The following NRXN1 variants were observed in gnomAD, a reference collection of about 807,000 sequenced individuals.
NRXN1 encodes the protein neurexin-1.
Under a neutral mutation model 150.9 loss-of-function variants are expected in NRXN1, and 39 were observed. The observed-to-expected ratio is 0.26, with a 90% CI of 0.20 to 0.34. The LOEUF is 0.34. NRXN1 is among the 10% of genes least tolerant of loss of function. The pLI is 1.00. For missense variants in NRXN1, 1,815 were observed against 1,949.9 expected, an observed-to-expected ratio of 0.93 and a Z score of 1.30; for synonymous variants, 924 against 757.0, an observed-to-expected ratio of 1.22 and a Z score of -3.62.
At position 50,792,077 on chromosome 2, in the gene NRXN1, C is replaced by T. The variant is rs112749883; in HGVS notation, c.832+129792G>A. Among the ~76,000 whole-genome samples, 595 of 152,164 alleles carry T rather than the reference C, an allele frequency of 3.9e-3. 5 individuals carry two copies. Among genetic ancestry groups the T allele is most frequent in the African/African-American group, 0.014 (574 of 41,536 alleles). On this transcript the variant is annotated intron_variant, in intron 5 of 22. Transcript: ENST00000401669. ...AACATATAAATAAATTCAAAACCTA[C>T]TTGAAATGTAGTATATCGGAAGAAC...
chr2:50,340,751 A>G (rs1001428425), intron 17 of NRXN1, among the ~76,000 whole-genome samples: 1 of 152,204 alleles, frequency 6.6e-6, no homozygotes, highest in Non-Finnish European at 1.5e-5. Context: ...AAACGAAACA[A>G]GAATATGAAT....
chr2:50,721,562 G>A (rs1696660043), intron 5 of NRXN1, among the ~76,000 whole-genome samples: 1 of 152,108 alleles, frequency 6.6e-6, no homozygotes, highest in African/African-American at 2.4e-5. Context: ...GACAGACGAG[G>A]ACTACATGAA....
chr2:50,738,329 G>T (rs935519722), intron 5 of NRXN1, among the ~76,000 whole-genome samples: 40 of 152,178 alleles, frequency 2.6e-4, no homozygotes, highest in African/African-American at 9.4e-4. Flanking sequence ...ACAGTTTGCT[G>T]GAAGTAGCAG....
At chr2:50,655,538 T>C (rs532843117) in intron 5 of NRXN1, among the ~76,000 whole-genome samples, 2 of 152,146 alleles carry the variant, frequency 1.3e-5, no homozygotes, top group East Asian at 3.9e-4. Context: ...CCGAAAGTTT[T>C]TGTTAATTGT....
At chr2:50,577,495 A>G (rs1573618910) in intron 8 of NRXN1, among the ~76,000 whole-genome samples, 1 of 152,064 alleles carries the variant, frequency 6.6e-6, no homozygotes, top group South Asian at 2.1e-4. Flanking sequence ...CACATTATAT[A>G]TGGAATTCCA....
intron 15 of NRXN1, among the ~76,000 whole-genome samples, chr2:50,483,138 A>G (rs989888452): frequency 2.6e-5 from 4 of 151,558 alleles, no homozygotes; most frequent in Non-Finnish European, 5.9e-5. Context: ...ACTGCTCACT[A>G]TATGCTAATT....
intron 21 of NRXN1, among the ~76,000 whole-genome samples, chr2:49,976,347 C>A (rs1217077503): frequency 1.3e-5 from 2 of 151,956 alleles, no homozygotes; most frequent in East Asian, 1.9e-4. Flanking sequence ...CAGGAAATTT[C>A]TGTAAGGACA....
chr2:50,114,075 G>C (rs996300358), intron 18 of NRXN1, among the ~76,000 whole-genome samples: 2 of 151,932 alleles, frequency 1.3e-5, no homozygotes, highest in African/African-American at 4.8e-5. Flanking sequence ...ATATACCACA[G>C]ACTGGGAGAA....
chr2:50,262,255 AT>A (rs2068363980), intron 17 of NRXN1, among the ~76,000 whole-genome samples: 2 of 151,928 alleles, frequency 1.3e-5, no homozygotes, highest in South Asian at 4.1e-4. Context: ...TATGATTAAA[AT>A]TAAGACATAA....
In NRXN1 at chr2:50,357,313, T is replaced by TTTTTTTA. The variant is rs1558590793; in HGVS notation, c.3364+108128_3364+108129insTAAAAAA. 9.2e-5 allele frequency among the ~76,000 whole-genome samples: 14 copies of TTTTTTTA among 151,890 alleles called. No homozygotes were observed. The East Asian group carries it at 1.4e-3, about 15-fold the overall frequency. On this transcript the variant is annotated intron_variant, in intron 17 of 22. Coordinates refer to ENST00000401669, the MANE Select transcript of NRXN1 (RefSeq NM_001330078.2). ...TTATTTATTTATTTATTTTTTTTTT[T>TTTTTTTA]ATTTATTATTTTGAGACAAAGTTTC...
rs139433835 is a variant in NRXN1 at position 50,438,834 on chromosome 2, G to A, written c.3364+26608C>T. On this transcript the variant is annotated intron_variant, in intron 17 of 22. Transcript: ENST00000401669. ...TTGAAGAAGGAAAAATAACAGTAAG[G>A]AAAAATATAGAAAATATTCTCCAAA... Among the ~76,000 whole-genome samples, 679 of 152,228 alleles carry A rather than the reference G, an allele frequency of 4.5e-3. 7 individuals carry two copies. Among genetic ancestry groups the A allele is most frequent in the African/African-American group, 0.016 (653 of 41,554 alleles).
Position 50,497,454 on chromosome 2 carries a change from T to C in NRXN1, c.2758A>G (p.Thr920Ala). The C allele has an allele frequency of 6.2e-7, 1 of 1,613,758 alleles. No homozygotes were observed. The highest frequency in any genetic ancestry group is 8.5e-7 in the Non-Finnish European group (1 of 1,179,774). ...KTKSSYVALA[T>A]LQAYTSMHLF... ...TGCATAGAAGTGTAGGCTTGCAAGG[T>C]AGCTAAGGCAACATAGCTCGATTTG... The change falls in exon 14 of 23, where the codon ACC (threonine) becomes GCC (alanine). Residue 920 changes from threonine (T) to alanine (A), a missense_variant. Physicochemically the swap from Thr to Ala is moderately conservative, Grantham distance 58. Around this residue, in one of 6 missense-constraint regions of NRXN1, gnomAD observed 339 missense variants for 440.3 expected, o/e 0.77. Coordinates refer to ENST00000401669, the MANE Select transcript of NRXN1 (RefSeq NM_001330078.2).
At chr2:49,984,223 TA>T (rs1174539126) in intron 21 of NRXN1, among the ~76,000 whole-genome samples, 6 of 152,064 alleles carry the variant, frequency 3.9e-5, no homozygotes, top group Admixed American at 3.9e-4. Context: ...AAGTATACCA[TA>T]AATGTAATTT....
chr2:50,304,877 G>A (rs904524211), intron 17 of NRXN1, among the ~76,000 whole-genome samples: 2 of 152,096 alleles, frequency 1.3e-5, no homozygotes, highest in Non-Finnish European at 2.9e-5. Flanking sequence ...GGATCAGAAG[G>A]TCAGGAGTTC....
rs2069513440 is a variant in NRXN1 at position 50,270,824 on chromosome 2, A to C, written c.3365-33854T>G. ...AGCTGCGGCTACACCACACCTGGCTAATTGTTGTATTTTTAGTAGAGACGG... is the reference window on the plus strand; with the variant it reads ...AGCTGCGGCTACACCACACCTGGCTCATTGTTGTATTTTTAGTAGAGACGG... On this transcript the variant is annotated intron_variant, in intron 17 of 22. Transcript: ENST00000401669. Among the ~76,000 whole-genome samples the C allele has an allele frequency of 1.3e-5, 2 of 151,916 alleles. 1 individual carries two copies. Among genetic ancestry groups the C allele is most frequent in the South Asian group, 4.2e-4 (2 of 4,812 alleles).
At position 50,506,591 on chromosome 2, in the gene NRXN1, C is replaced by T. The variant is rs1398153462; in HGVS notation, c.2401G>A (p.Gly801Ser). 1.2e-6 allele frequency: 2 copies of T among 1,613,296 alleles called. No individual in the cohort carries two copies. Among genetic ancestry groups the T allele is most frequent in the Middle Eastern group, 1.7e-4 (1 of 6,060 alleles). Reference sequence around the variant, plus strand: ...CACTCGTTATCATTGAGGTTATAGCCAGCAAAAAGAGTCTCGGGACCTTTG... The same window carrying T: ...CACTCGTTATCATTGAGGTTATAGCTAGCAAAAAGAGTCTCGGGACCTTTG... ...SSKGPETLFA[G>S]YNLNDNEWHT... Residue 801 changes from glycine (G) to serine (S), a missense_variant, in exon 13 of 23, where the codon GGC (glycine) becomes AGC (serine). By Grantham distance (56) the Gly-to-Ser change is moderately conservative (BLOSUM62 0). Around this residue, in one of 6 missense-constraint regions of NRXN1, gnomAD observed 638 missense variants for 652.6 expected, o/e 0.98. Transcript: ENST00000401669.
intron 8 of NRXN1, among the ~76,000 whole-genome samples, chr2:50,575,169 T>C (rs571815527): frequency 1.3e-5 from 2 of 152,370 alleles, no homozygotes; most frequent in South Asian, 4.1e-4. Flanking sequence ...GATTCTGTTA[T>C]GCTTGATCTT....
intron 5 of NRXN1, among the ~76,000 whole-genome samples, chr2:50,671,429 T>C (rs1052755176): frequency 2.0e-5 from 3 of 151,714 alleles, no homozygotes; most frequent in Admixed American, 2.0e-4. Flanking sequence ...TAATTTTATA[T>C]ACTTCTTGAT....
chr2:51,005,902 T>C (rs367767896), intron 2 of NRXN1, among the ~76,000 whole-genome samples: 54 of 151,964 alleles, frequency 3.6e-4, no homozygotes, highest in East Asian at 3.5e-3. Flanking sequence ...ACCCATCTTA[T>C]CTGCAAATAC....
Sources: gnomAD v4.1 joint callset for allele counts (sites outside exome capture counted in the v4.1 genomes callset) on GRCh38, gnomAD v4.1.1 for gene constraint, gnomAD v4.1.1 regional missense constraint, MANE v1.5 for transcripts, NCBI Gene and HGNC (gene_info 2026-07-23, HGNC 2026-07-21) for gene names.